The following FBXO25 variants were observed in gnomAD, a reference collection of about 807,000 sequenced individuals.
FBXO25 encodes F-box protein 25.
Under a neutral mutation model 51.9 loss-of-function variants are expected in FBXO25, and 45 were observed. That is an observed-to-expected ratio of 0.87 (90% CI 0.68 to 1.11). FBXO25 has a LOEUF of 1.11. Ranked by LOEUF, FBXO25 falls within the 50% of genes most tolerant of loss-of-function variation. The pLI is 0.00. For missense variants in FBXO25, 507 were observed against 428.5 expected (o/e 1.18, Z -1.62); for synonymous variants, 199 against 151.0 (o/e 1.32, Z -2.33).
At chr8:412,720 G>T (rs1030918792) in intron 1 of FBXO25, among the ~76,000 whole-genome samples, 21 of 152,156 alleles carry the variant, frequency 1.4e-4, no homozygotes, top group Non-Finnish European at 2.5e-4. Flanking sequence ...TTCATTTTCG[G>T]TTGCTTCTAA....
intron 5 of FBXO25, among the ~76,000 whole-genome samples, chr8:438,561 A>C (rs866204107): frequency 7.9e-5 from 12 of 152,198 alleles, no homozygotes; most frequent in Admixed American, 3.9e-4. Flanking sequence ...TAATCTTTGA[A>C]GTTGAGTTTG....
intron 7 of FBXO25, among the ~76,000 whole-genome samples, chr8:453,374 G>C (rs1004285338): frequency 2.0e-5 from 3 of 152,116 alleles, no homozygotes; most frequent in African/African-American, 7.2e-5. Context: ...ATGTGCCTCT[G>C]TGAGGATCTT....
rs571208220 is a variant in FBXO25, at chr8:470,098, G to C, written c.*1294G>C. The C allele has an allele frequency of 1.3e-5, 2 of 151,976 alleles. No individual in the cohort carries two copies. The highest frequency in any genetic ancestry group is 4.1e-4 in the South Asian group (2 of 4,828). The allele number at this position is 151,976 out of a possible 1,614,324, so 9.4% of individuals were successfully genotyped here. On this transcript the variant is annotated 3_prime_UTR_variant, in exon 10 of 10. Coordinates refer to ENST00000350302, the MANE Select transcript of FBXO25 (RefSeq NM_183420.2). ...CCCGACCCTGCCTTTTTTTAGAAACGTAGAACCATATCCTAAATGTTATTT... is the reference window on the plus strand; with the variant it reads ...CCCGACCCTGCCTTTTTTTAGAAACCTAGAACCATATCCTAAATGTTATTT...
At chr8:468,325 C>G (rs991685590) in intron 9 of FBXO25, 1 of 987,928 alleles carries the variant, frequency 1.0e-6, no homozygotes, top group Non-Finnish European at 1.2e-6. Flanking sequence ...ACAAAGTGAG[C>G]CAGGAACAGG....
In FBXO25 at chr8:449,872, G is replaced by C. The variant is rs537394327; in HGVS notation, c.382-118G>C. On this transcript the variant is annotated intron_variant, in intron 5 of 9. Coordinates refer to ENST00000350302, the MANE Select transcript of FBXO25 (RefSeq NM_183420.2). ...CTATACTTGGACTCGGACTGATACA[G>C]TGACTTAATTTAGGATGGCATGTTA... 6.9e-6 allele frequency: 5 copies of C among 727,258 alleles called. No homozygotes were observed. The South Asian group carries it at 7.0e-5, about 10-fold the overall frequency. 45.1% of individuals were successfully genotyped at this position (727,258 alleles called of 1,614,324 possible). A position where few individuals can be genotyped will look rare whatever the true frequency, so the allele number is the denominator to read the frequency against.
chr8:443,976 C>G (rs1481631095), intron 5 of FBXO25, among the ~76,000 whole-genome samples: 1 of 152,328 alleles, frequency 6.6e-6, no homozygotes, highest in South Asian at 2.1e-4. Flanking sequence ...CTCTTCAGGT[C>G]TGGCCCCTCC....
At chr8:426,312 T>A (rs1797476166) in intron 2 of FBXO25, among the ~76,000 whole-genome samples, 1 of 152,216 alleles carries the variant, frequency 6.6e-6, no homozygotes. Context: ...ATTTAGATGT[T>A]AAATCTGTGG....
chr8:434,924 G>T (rs1798012226), intron 4 of FBXO25, among the ~76,000 whole-genome samples: 1 of 152,034 alleles, frequency 6.6e-6, no homozygotes. Flanking sequence ...CTAAACACCA[G>T]TTTTTTTTGG....
chr8:426,494 C>G (rs1265617053), intron 2 of FBXO25, among the ~76,000 whole-genome samples: 1 of 151,886 alleles, frequency 6.6e-6, no homozygotes, highest in Non-Finnish European at 1.5e-5. Flanking sequence ...TGTTAATATC[C>G]TAGTCATGAG....
intron 2 of FBXO25, among the ~76,000 whole-genome samples, chr8:419,972 C>A (rs1217168010): frequency 2.0e-5 from 3 of 152,102 alleles, no homozygotes; most frequent in Non-Finnish European, 4.4e-5. Flanking sequence ...ACCTGTACTT[C>A]ACCAAACAAC....
At chr8:425,148 C>A (rs2117548917) in intron 2 of FBXO25, among the ~76,000 whole-genome samples, 1 of 151,806 alleles carries the variant, frequency 6.6e-6, no homozygotes, top group Non-Finnish European at 1.5e-5. Context: ...CCACATGTCC[C>A]ATTTCTATTA....
chr8:426,045 A>T (rs933154732), intron 2 of FBXO25, among the ~76,000 whole-genome samples: 3 of 152,152 alleles, frequency 2.0e-5, no homozygotes, highest in African/African-American at 7.2e-5. Context: ...CCTCTACCAG[A>T]ACACTGGTGG....
intron 8 of FBXO25, among the ~76,000 whole-genome samples, chr8:460,000 A>C (rs1799703591): frequency 6.6e-6 from 1 of 152,064 alleles, no homozygotes; most frequent in Admixed American, 6.5e-5. Flanking sequence ...GTAGGAGAAC[A>C]GTAGATTGAA....
At chr8:454,612 C>T (rs1182111825) in intron 7 of FBXO25, among the ~76,000 whole-genome samples, 2 of 152,166 alleles carry the variant, frequency 1.3e-5, no homozygotes, top group Non-Finnish European at 2.9e-5. Flanking sequence ...AAAGAATGGG[C>T]CGGGCGCGAT....
At chr8:408,576 G>T (rs755362809) in intron 1 of FBXO25, among the ~76,000 whole-genome samples, 1 of 152,222 alleles carries the variant, frequency 6.6e-6, no homozygotes, top group Non-Finnish European at 1.5e-5. Flanking sequence ...GACAACATAT[G>T]TAGATTGTTT....
At chr8:465,199 C>CA (rs1275207930) in intron 9 of FBXO25, among the ~76,000 whole-genome samples, 1 of 152,056 alleles carries the variant, frequency 6.6e-6, no homozygotes, top group Admixed American at 6.6e-5. Context: ...ACAGGGCCCC[C>CA]CTTCTGTGTA....
intron 4 of FBXO25, 89 bp downstream of exon 4, chr8:433,024 A>G (rs1157142767): frequency 3.9e-5 from 53 of 1,371,262 alleles, no homozygotes; most frequent in South Asian, 1.9e-4. Context: ...ATAAAGTTGC[A>G]TAAAACACAT....
In FBXO25 at chr8:475,359, A is replaced by G. The variant is rs1379902569; in HGVS notation, c.*6555A>G. The G allele has an allele frequency of 1.3e-5, 2 of 157,846 alleles. No homozygotes were observed. Among genetic ancestry groups the G allele is most frequent in the African/African-American group, 4.8e-5 (2 of 41,444 alleles). 9.8% of individuals were successfully genotyped at this position (157,846 alleles called of 1,614,324 possible). ...GATTATTGTAGCTTTGTCGTAAGTTATGAAATAAGGAAGTGAGAGACCTCC... is the reference window on the plus strand; with the variant it reads ...GATTATTGTAGCTTTGTCGTAAGTTGTGAAATAAGGAAGTGAGAGACCTCC... On this transcript the variant is annotated 3_prime_UTR_variant, in exon 10 of 10. Transcript: ENST00000350302.
At chr8:463,425 C>T (rs1799946357) in intron 9 of FBXO25, among the ~76,000 whole-genome samples, 1 of 151,796 alleles carries the variant, frequency 6.6e-6, no homozygotes, top group South Asian at 2.1e-4. Flanking sequence ...GTGACCTTTC[C>T]TGGCAGCAGC....
Sources: allele counts gnomAD v4.1 joint callset (sites outside exome capture counted in the v4.1 genomes callset), GRCh38; gene constraint gnomAD v4.1.1; transcripts MANE v1.5; gene names NCBI Gene and HGNC (gene_info 2026-07-23, HGNC 2026-07-21).